Variants in LARGE1 observed in about 807,000 individuals in gnomAD.
LARGE1 encodes xylosyl- and glucuronyltransferase LARGE1.
In LARGE1, 43 loss-of-function variants were observed where a neutral mutation model predicts 87.6. The ratio of observed to expected loss-of-function variants is 0.49; its 90% CI spans 0.38 to 0.63. The LOEUF is 0.63. Among genes scored for constraint, LARGE1 ranks in the 30% least tolerant of loss-of-function variants. The pLI, the probability that LARGE1 is intolerant of heterozygous loss-of-function variation, is 0.00. For synonymous variants in LARGE1, 434 were observed against 394.6 expected, an observed-to-expected ratio of 1.10 and a Z score of -1.18; for missense variants, 802 against 1,000.2, an observed-to-expected ratio of 0.80 and a Z score of 2.67.
At chr22:33,450,680 A>C (rs1330945545) in intron 6 of LARGE1, among the ~76,000 whole-genome samples, 1 of 152,156 alleles carries the variant, frequency 6.6e-6, no homozygotes, top group Non-Finnish European at 1.5e-5. Context: ...CTGGAAAAAA[A>C]CCTTAATACT....
intron 2 of LARGE1, among the ~76,000 whole-genome samples, chr22:33,757,801 T>G (rs715482): frequency 0.25 from 38,228 of 152,172 alleles, 5,503 homozygotes; most frequent in South Asian, 0.39. Context: ...GTAACGTTGT[T>G]GTGATGTTTA....
At chr22:33,231,156 G>A (rs750182366) in intron 11 of LARGE1, among the ~76,000 whole-genome samples, 2 of 152,160 alleles carry the variant, frequency 1.3e-5, no homozygotes, top group African/African-American at 2.4e-5. Flanking sequence ...TCTAATCTGT[G>A]CTAAACCACT....
At chr22:33,296,366 A>G (rs1248847965) in intron 12 of LARGE1, among the ~76,000 whole-genome samples, 1 of 152,166 alleles carries the variant, frequency 6.6e-6, no homozygotes, top group Non-Finnish European at 1.5e-5. Context: ...TGTAAGAACT[A>G]CATGGATTAT....
At chr22:33,538,202 C>A (rs566989677) in intron 6 of LARGE1, among the ~76,000 whole-genome samples, 1 of 152,300 alleles carries the variant, frequency 6.6e-6, no homozygotes, top group East Asian at 1.9e-4. Flanking sequence ...TCTAGTGCTT[C>A]CCCTCAACCT....
intron 6 of LARGE1, among the ~76,000 whole-genome samples, chr22:33,512,436 A>C (rs1293586072): frequency 6.6e-6 from 1 of 152,226 alleles, no homozygotes; most frequent in East Asian, 1.9e-4. Context: ...AAAAGGCAGA[A>C]GTCAGAATTA....
chr22:33,519,686 T>A (rs1386957408), intron 6 of LARGE1, among the ~76,000 whole-genome samples: 2 of 152,136 alleles, frequency 1.3e-5, no homozygotes, highest in African/African-American at 4.8e-5. Context: ...AAAGCAAGTC[T>A]GTCATTTAAC....
chr22:33,810,161 C>T (rs2086448135), intron 1 of LARGE1, among the ~76,000 whole-genome samples: 1 of 152,190 alleles, frequency 6.6e-6, no homozygotes, highest in Non-Finnish European at 1.5e-5. Flanking sequence ...CCCATTATCT[C>T]ATGGAATATG....
At chr22:33,430,012 G>C (rs180830327) in intron 7 of LARGE1, among the ~76,000 whole-genome samples, 22 of 152,300 alleles carry the variant, frequency 1.4e-4, no homozygotes, top group Non-Finnish European at 2.9e-5. Context: ...CTATAGGACA[G>C]AATCCCAGTC....
Position 33,666,999 on chromosome 22 carries a change from C to T in LARGE1, c.107-16331G>A, listed in dbSNP as rs541463748. On this transcript the variant is annotated intron_variant, in intron 2 of 14. Coordinates refer to ENST00000397394, the MANE Select transcript of LARGE1 (RefSeq NM_133642.5). ...TTCAGCAGAAATAAACCCCACATCCCAAAATATGCCATTTGTCAAAATCCA... is the reference window on the plus strand; with the variant it reads ...TTCAGCAGAAATAAACCCCACATCCTAAAATATGCCATTTGTCAAAATCCA... 2.6e-5 allele frequency among the ~76,000 whole-genome samples: 4 copies of T among 152,322 alleles called. No individual in the cohort carries two copies. In the South Asian group the frequency reaches 8.3e-4, roughly 32 times the overall value.
At chr22:33,126,990 C>T in the LARGE1 span, among the ~76,000 whole-genome samples, 309 of 152,344 alleles carry the variant, frequency 2.0e-3, 1 homozygote, top group Middle Eastern at 3.4e-3. Context: ...GCTCTCTCTT[C>T]TCCTTCTTTG....
At chr22:33,626,906 G>A (rs566477785) in intron 3 of LARGE1, among the ~76,000 whole-genome samples, 2 of 152,232 alleles carry the variant, frequency 1.3e-5, no homozygotes, top group Non-Finnish European at 2.9e-5. Context: ...ATGGGCCTCA[G>A]ACATGAATCC....
At chr22:33,921,367 G>A (rs2065946905), upstream of LARGE1, among the ~76,000 whole-genome samples, 1 of 152,246 alleles carries the variant, frequency 6.6e-6, no homozygotes. The surrounding 1 kb of genome is among the most constrained non-coding windows in gnomAD (Gnocchi z 4.1). Flanking sequence ...CGTGCCTCGC[G>A]GAAAAAGGGG....
chr22:33,257,261 T>C (rs1927344994), intron 11 of LARGE1, among the ~76,000 whole-genome samples: 1 of 151,580 alleles, frequency 6.6e-6, no homozygotes, highest in African/African-American at 2.4e-5. Flanking sequence ...GGCTGGGCAC[T>C]GTGGCTCATG....
At chr22:33,721,718 T>C (rs1264201502) in intron 2 of LARGE1, among the ~76,000 whole-genome samples, 1 of 152,150 alleles carries the variant, frequency 6.6e-6, no homozygotes, top group Non-Finnish European at 1.5e-5. Context: ...GTTAAAGGTA[T>C]CGTAGAAAAA....
intron 1 of LARGE1, among the ~76,000 whole-genome samples, chr22:33,791,870 G>T (rs2085834234): frequency 6.6e-6 from 1 of 152,158 alleles, no homozygotes; most frequent in African/African-American, 2.4e-5. Context: ...GTGTCCAAGG[G>T]AAAAAGAAAT....
At chr22:33,123,627 A>C in the LARGE1 span, among the ~76,000 whole-genome samples, 14 of 152,332 alleles carry the variant, frequency 9.2e-5, no homozygotes. Context: ...TGGGTAGTAG[A>C]ATGACGAGAG....
At chr22:33,193,253 T>G (rs1923883209) in intron 11 of LARGE1, among the ~76,000 whole-genome samples, 1 of 152,202 alleles carries the variant, frequency 6.6e-6, no homozygotes, top group Non-Finnish European at 1.5e-5. Context: ...CAACCCATTT[T>G]ATTACTTTTT....
intron 11 of LARGE1, among the ~76,000 whole-genome samples, chr22:33,225,722 C>A (rs1476030293): frequency 6.6e-6 from 1 of 152,138 alleles, no homozygotes; most frequent in Non-Finnish European, 1.5e-5. Flanking sequence ...GCCCTCCACC[C>A]TCAACTAGGC....
At chr22:33,358,756 C>A (rs890100948) in intron 9 of LARGE1, among the ~76,000 whole-genome samples, 1 of 151,922 alleles carries the variant, frequency 6.6e-6, no homozygotes, top group Non-Finnish European at 1.5e-5. Context: ...GGAGGCCGAG[C>A]CGGGTGGATC....
Sources: gnomAD v4.1 joint callset for allele counts (sites outside exome capture counted in the v4.1 genomes callset) on GRCh38, gnomAD v4.1.1 for gene constraint, Gnocchi (gnomAD v3.1) non-coding constraint, MANE v1.5 for transcripts, NCBI Gene and HGNC (gene_info 2026-07-23, HGNC 2026-07-21) for gene names.